DCC: variants seen among roughly 807,000 people sequenced by gnomAD.
The protein encoded by DCC is netrin receptor DCC.
A neutral mutation model predicts 172.5 loss-of-function variants in DCC; 58 were observed. That is an observed-to-expected ratio of 0.34 (90% CI 0.27 to 0.42). The LOEUF (loss-of-function observed/expected upper bound fraction) is 0.42. Among genes scored for constraint, DCC ranks in the 10% least tolerant of loss-of-function variants. The pLI, the probability that DCC is intolerant of heterozygous loss-of-function variation, is 1.00. For synonymous variants in DCC, 709 were observed against 644.5 expected, an observed-to-expected ratio of 1.10 and a Z score of -1.52; for missense variants, 1,740 against 1,791.0, an observed-to-expected ratio of 0.97 and a Z score of 0.51.
intron 8 of DCC, among the ~76,000 whole-genome samples, chr18:53,172,771 A>T (rs1488619828): frequency 6.6e-6 from 1 of 152,052 alleles, no homozygotes; most frequent in Non-Finnish European, 1.5e-5. Flanking sequence ...ATAGGACCTC[A>T]TGTCTTTTAC....
At chr18:52,605,211 A>G (rs1435893493) in intron 1 of DCC, among the ~76,000 whole-genome samples, 1 of 152,150 alleles carries the variant, frequency 6.6e-6, no homozygotes, top group Non-Finnish European at 1.5e-5. Context: ...ATTATAAACA[A>G]TTAAGCACTA....
chr18:52,941,753 T>A (rs1045727046), intron 5 of DCC, among the ~76,000 whole-genome samples: 23 of 152,232 alleles, frequency 1.5e-4, no homozygotes, highest in Admixed American at 1.0e-3. Flanking sequence ...GTAGTTTATA[T>A]ATTTCATATT....
At chr18:52,564,268 A>G (rs1293031128) in intron 1 of DCC, among the ~76,000 whole-genome samples, 1 of 152,066 alleles carries the variant, frequency 6.6e-6, no homozygotes, top group African/African-American at 2.4e-5. Flanking sequence ...TGTGCATATT[A>G]TTTGCTTTAT....
At chr18:53,241,908 T>C (rs928127427) in intron 12 of DCC, among the ~76,000 whole-genome samples, 1 of 152,056 alleles carries the variant, frequency 6.6e-6, no homozygotes, top group African/African-American at 2.4e-5. Context: ...GTCCTATAGA[T>C]CTCCAGTAAT....
Position 53,534,979 on chromosome 18 carries a change from ACT to A in DCC, c.*4329_*4330del, listed in dbSNP as rs1408677316. 3 of 152,214 alleles carry A rather than the reference ACT, an allele frequency of 2.0e-5. No individual in the cohort carries two copies. The highest frequency in any genetic ancestry group is 1.9e-4 in the East Asian group (1 of 5,162). The allele number at this position is 152,214 out of a possible 1,614,324, so 9.4% of individuals were successfully genotyped here. On this transcript the variant is annotated 3_prime_UTR_variant, in exon 29 of 29. Coordinates refer to ENST00000442544, the MANE Select transcript of DCC (RefSeq NM_005215.4). ...TTGTTGGTAGAAGAGCAAGAGCAAAACTCTGCAAGATTTAATAAACACAGGGG... is the reference window on the plus strand; with the variant it reads ...TTGTTGGTAGAAGAGCAAGAGCAAAACTGCAAGATTTAATAAACACAGGGG...
chr18:53,010,620 AAATAT>A (rs1331202512), intron 5 of DCC, among the ~76,000 whole-genome samples: 8 of 150,932 alleles, frequency 5.3e-5, no homozygotes, highest in African/African-American at 1.9e-4. Flanking sequence ...TAGGCCTAAT[AAATAT>A]AATATATTTA....
intron 1 of DCC, among the ~76,000 whole-genome samples, chr18:52,601,186 C>G (rs1272226201): frequency 2.6e-5 from 4 of 152,032 alleles, no homozygotes; most frequent in Non-Finnish European, 1.5e-5. Flanking sequence ...GTCTCTTACT[C>G]TCTATAAATT....
chr18:53,532,210 G>A lies in DCC; in HGVS notation c.*1557G>A, dbSNP rs186222001. The stretch of plus-strand genomic sequence containing the variant: ...TTTTAAAAGAGCATGGAAGGGATAG[G>A]ATCTTTACAACCTAATAGCTCCTTT... On this transcript the variant is annotated 3_prime_UTR_variant, in exon 29 of 29. Transcript: ENST00000442544. 2 of 152,264 alleles carry A rather than the reference G, an allele frequency of 1.3e-5. No individual in the cohort carries two copies. Among genetic ancestry groups the A allele is most frequent in the Admixed American group, 1.3e-4 (2 of 15,288 alleles). The allele number at this position is 152,264 out of a possible 1,614,324, so 9.4% of individuals were successfully genotyped here.
intron 1 of DCC, among the ~76,000 whole-genome samples, chr18:52,565,754 T>G (rs1179946887): frequency 2.0e-5 from 3 of 152,214 alleles, no homozygotes; most frequent in African/African-American, 2.4e-5. Flanking sequence ...GTCAGATGGA[T>G]AGATTGCAAA....
chr18:53,411,650 G>A (rs1303605784), intron 20 of DCC, among the ~76,000 whole-genome samples: 1 of 152,124 alleles, frequency 6.6e-6, no homozygotes, highest in African/African-American at 2.4e-5. Flanking sequence ...GAATTCTGAT[G>A]AGTGAGCTAT....
At chr18:52,846,282 C>CT (rs1480077238) in intron 2 of DCC, among the ~76,000 whole-genome samples, 1 of 152,004 alleles carries the variant, frequency 6.6e-6, no homozygotes, top group Admixed American at 6.5e-5. Flanking sequence ...TGGCACATGC[C>CT]TGTAATCCCT....
chr18:52,446,883 T>G (rs983098926), intron 1 of DCC, among the ~76,000 whole-genome samples: 1 of 152,224 alleles, frequency 6.6e-6, no homozygotes, highest in Non-Finnish European at 1.5e-5. Context: ...GGGTTTATAT[T>G]ACATTCGGCA....
At chr18:53,332,900 A>G (rs2144852106) in intron 14 of DCC, among the ~76,000 whole-genome samples, 1 of 152,270 alleles carries the variant, frequency 6.6e-6, no homozygotes, top group African/African-American at 2.4e-5. Flanking sequence ...CCCCATTTCT[A>G]CAAAAATTTT....
At chr18:52,949,574 G>A (rs2040602574) in intron 5 of DCC, among the ~76,000 whole-genome samples, 2 of 152,154 alleles carry the variant, frequency 1.3e-5, no homozygotes, top group African/African-American at 4.8e-5. Flanking sequence ...AATGCCAATG[G>A]CTGATGATTC....
Position 52,481,581 on chromosome 18 carries a change from T to A in DCC, c.91+140703T>A, listed in dbSNP as rs926939931. The stretch of plus-strand genomic sequence containing the variant: ...GGAGTATTTCCAGCAGTTTTTTTTT[T>A]AAACCAAGGTTACGTGCATACATAA... On this transcript the variant is annotated intron_variant, in intron 1 of 28. Coordinates refer to ENST00000442544, the MANE Select transcript of DCC (RefSeq NM_005215.4). Among the ~76,000 whole-genome samples the A allele has an allele frequency of 3.9e-5, 6 of 152,076 alleles. No homozygotes were observed. The South Asian group carries it at 1.2e-3, about 32-fold the overall frequency.
intron 5 of DCC, among the ~76,000 whole-genome samples, chr18:53,051,773 CTT>C (rs1491388896): frequency 2.0e-5 from 3 of 151,984 alleles, no homozygotes; most frequent in African/African-American, 7.2e-5. Flanking sequence ...CATCTTATAT[CTT>C]ATATATCTTT....
intron 7 of DCC, among the ~76,000 whole-genome samples, chr18:53,093,137 C>A (rs1291515019): frequency 6.6e-6 from 1 of 152,040 alleles, no homozygotes; most frequent in African/African-American, 2.4e-5. Flanking sequence ...TAAAAATTAG[C>A]TGGGCGTGGG....
intron 2 of DCC, among the ~76,000 whole-genome samples, chr18:52,857,938 C>A (rs576360908): frequency 6.6e-6 from 1 of 151,540 alleles, no homozygotes; most frequent in African/African-American, 2.4e-5. Context: ...GAAGAAAAAT[C>A]ATTTCATTAT....
chr18:52,696,897 A>C (rs1385281849), intron 1 of DCC, among the ~76,000 whole-genome samples: 6 of 111,992 alleles, frequency 5.4e-5, no homozygotes, highest in Admixed American at 2.0e-4. Context: ...AAAAGTTAAT[A>C]AAAGTTAGAT....
Sources: allele counts gnomAD v4.1 joint callset (sites outside exome capture counted in the v4.1 genomes callset), GRCh38; gene constraint gnomAD v4.1.1; transcripts MANE v1.5; gene names NCBI Gene and HGNC (gene_info 2026-07-23, HGNC 2026-07-21).